The following CNTN5 variants were observed in gnomAD, a reference collection of about 807,000 sequenced individuals.
CNTN5 encodes the protein contactin-5.
Under a neutral mutation model 129.1 loss-of-function variants are expected in CNTN5, and 77 were observed. The ratio of observed to expected loss-of-function variants is 0.60; its 90% CI spans 0.50 to 0.72. The LOEUF (loss-of-function observed/expected upper bound fraction) is 0.72, where lower values mean the gene tolerates loss of function less well. CNTN5 is among the 30% of genes least tolerant of loss of function. The pLI, the probability that CNTN5 is intolerant of heterozygous loss-of-function variation, is 0.00. For synonymous variants in CNTN5, 509 were observed against 465.6 expected (o/e 1.09, Z -1.20); for missense variants, 1,478 against 1,328.8 (o/e 1.11, Z -1.75).
At chr11:99,786,671 A>G (rs1262703043) in intron 3 of CNTN5, among the ~76,000 whole-genome samples, 1 of 152,182 alleles carries the variant, frequency 6.6e-6, no homozygotes, top group East Asian at 1.9e-4. Context: ...AGACCAATGG[A>G]ACAGAACAGA....
intron 1 of CNTN5, among the ~76,000 whole-genome samples, chr11:99,027,705 T>C (rs1334773919): frequency 6.6e-6 from 1 of 151,676 alleles, no homozygotes; most frequent in Non-Finnish European, 1.5e-5. Flanking sequence ...CATAGTGCAA[T>C]TGAGTGGAAG....
At chr11:99,944,012 T>C (rs537428480) in intron 7 of CNTN5, among the ~76,000 whole-genome samples, 27 of 151,666 alleles carry the variant, frequency 1.8e-4, no homozygotes, top group African/African-American at 6.3e-4. Flanking sequence ...GTCTTGGCTA[T>C]AGGGGCTCTT....
At chr11:99,282,968 G>A (rs1185183668) in intron 1 of CNTN5, among the ~76,000 whole-genome samples, 2 of 151,984 alleles carry the variant, frequency 1.3e-5, no homozygotes, top group Non-Finnish European at 2.9e-5. Context: ...AAATGTAGGA[G>A]CTAAAATAAA....
intron 13 of CNTN5, among the ~76,000 whole-genome samples, chr11:100,186,417 AGAAAATGGCCCC>A (rs1349676442): frequency 6.6e-6 from 1 of 152,084 alleles, no homozygotes; most frequent in Non-Finnish European, 1.5e-5. Flanking sequence ...TATAGGGTCC[AGAAAATGGCCCC>A]GAAATCAAGA....
At chr11:99,726,966 T>C (rs959118626) in intron 3 of CNTN5, among the ~76,000 whole-genome samples, 1 of 152,184 alleles carries the variant, frequency 6.6e-6, no homozygotes, top group African/African-American at 2.4e-5. Context: ...TATCTTAGTC[T>C]AGTTTTTGTT....
chr11:99,750,595 A>G (rs1221327856), intron 3 of CNTN5, among the ~76,000 whole-genome samples: 2 of 152,086 alleles, frequency 1.3e-5, no homozygotes, highest in Non-Finnish European at 2.9e-5. Flanking sequence ...GAAAAAAAAA[A>G]GATAATAAAT....
At chr11:99,593,264 G>T (rs539055565) in intron 3 of CNTN5, among the ~76,000 whole-genome samples, 19 of 152,082 alleles carry the variant, frequency 1.2e-4, no homozygotes, top group Non-Finnish European at 2.6e-4. Context: ...CCCCTTGATT[G>T]CTAGAATGCC....
In CNTN5 at chr11:99,903,591, G is replaced by C. The variant is rs1022019205; in HGVS notation, c.578-12463G>C. 8.5e-5 allele frequency among the ~76,000 whole-genome samples: 13 copies of C among 152,224 alleles called. No homozygotes were observed. In the East Asian group the frequency reaches 1.8e-3, roughly 21 times the overall value. ...ATCTAGAGGGGCTGTTCTAAGTAGA[G>C]TCTAGTGGAGGCAAAAATTGCCTGA... is the stretch of plus-strand genomic sequence containing the variant. On this transcript the variant is annotated intron_variant, in intron 6 of 24. Transcript: ENST00000524871.
In CNTN5 at chr11:99,735,475, T is replaced by C. The variant is rs143708049; in HGVS notation, c.56-84069T>C. ...ATGAATGCTGTGGACCATAAGAAGATTGAACAATGAAGATTGAATTTATTG... is the reference window on the plus strand; with the variant it reads ...ATGAATGCTGTGGACCATAAGAAGACTGAACAATGAAGATTGAATTTATTG... On this transcript the variant is annotated intron_variant, in intron 3 of 24. Coordinates refer to ENST00000524871, the MANE Select transcript of CNTN5 (RefSeq NM_014361.4). Among the ~76,000 whole-genome samples the C allele has an allele frequency of 4.3e-3, 655 of 152,332 alleles. 5 individuals carry two copies. Among genetic ancestry groups the C allele is most frequent in the African/African-American group, 0.015 (624 of 41,574 alleles).
At chr11:100,186,226 G>T (rs1948298207) in intron 13 of CNTN5, among the ~76,000 whole-genome samples, 1 of 151,956 alleles carries the variant, frequency 6.6e-6, no homozygotes, top group East Asian at 1.9e-4. Flanking sequence ...ACAAAAATTA[G>T]CCAGGCATGG....
chr11:99,254,374 C>T (rs966432544), intron 1 of CNTN5, among the ~76,000 whole-genome samples: 22 of 151,808 alleles, frequency 1.4e-4, no homozygotes, highest in African/African-American at 4.8e-4. Flanking sequence ...TAAGTACTGC[C>T]GAAATACATC....
At chr11:100,203,832 T>A (rs1948845106) in intron 15 of CNTN5, among the ~76,000 whole-genome samples, 2 of 44,922 alleles carry the variant, frequency 4.5e-5, no homozygotes, top group African/African-American at 1.9e-4. Context: ...ACACACACAC[T>A]GCCCCTATCT....
At chr11:99,717,299 T>C (rs1023976243) in intron 3 of CNTN5, among the ~76,000 whole-genome samples, 1 of 152,056 alleles carries the variant, frequency 6.6e-6, no homozygotes, top group Admixed American at 6.6e-5. Flanking sequence ...GAAAGTCTTA[T>C]ATACAGTATA....
intron 2 of CNTN5, among the ~76,000 whole-genome samples, chr11:99,367,642 A>G (rs891555330): frequency 3.5e-4 from 53 of 152,212 alleles, no homozygotes; most frequent in African/African-American, 1.2e-3. Flanking sequence ...TAGTAAGATC[A>G]GTAATTTCTA....
intron 16 of CNTN5, among the ~76,000 whole-genome samples, chr11:100,239,182 T>C (rs1301137454): frequency 2.0e-5 from 3 of 152,226 alleles, no homozygotes; most frequent in Non-Finnish European, 4.4e-5. Flanking sequence ...TGAGCAAAAT[T>C]GTAATGGATA....
chr11:99,175,148 TGCTTGA>T (rs202002518), intron 1 of CNTN5, among the ~76,000 whole-genome samples: 1,816 of 152,194 alleles, frequency 0.012, 19 homozygotes, highest in Non-Finnish European at 0.017. Context: ...GCAGAAGGAT[TGCTTGA>T]GCCCAGGAGC....
At chr11:99,710,471 G>C (rs1954928857) in intron 3 of CNTN5, among the ~76,000 whole-genome samples, 1 of 151,798 alleles carries the variant, frequency 6.6e-6, no homozygotes, top group South Asian at 2.1e-4. Context: ...GAATCTGTTG[G>C]AAACAAAGGG....
At chr11:99,890,896 T>C (rs1253010985) in intron 6 of CNTN5, among the ~76,000 whole-genome samples, 1 of 152,104 alleles carries the variant, frequency 6.6e-6, no homozygotes, top group African/African-American at 2.4e-5. Flanking sequence ...TCTGTGATCT[T>C]TCTCTCTCAA....
intron 1 of CNTN5, among the ~76,000 whole-genome samples, chr11:99,258,962 G>T (rs1386803586): frequency 6.6e-6 from 1 of 151,536 alleles, no homozygotes; most frequent in East Asian, 1.9e-4. Context: ...TCTATCTTTA[G>T]GAATTAAAAA....
Sources: allele counts gnomAD v4.1 joint callset (sites outside exome capture counted in the v4.1 genomes callset), GRCh38; gene constraint gnomAD v4.1.1; transcripts MANE v1.5; gene names NCBI Gene and HGNC (gene_info 2026-07-23, HGNC 2026-07-21).